The following WDR76 variants were observed in gnomAD, a reference collection of about 807,000 sequenced individuals.
WDR76 encodes the protein WD repeat domain 76.
A neutral mutation model predicts 70.2 loss-of-function variants in WDR76; 52 were observed. The observed-to-expected ratio is 0.74, with a 90% CI of 0.59 to 0.93. The LOEUF is 0.93. Among genes scored for constraint, WDR76 ranks in the 40% least tolerant of loss-of-function variants. WDR76 has a pLI of 0.00. For synonymous variants in WDR76, 292 were observed against 271.1 expected (o/e 1.08, Z -0.76); for missense variants, 756 against 760.2 (o/e 0.99, Z 0.07).
At chr15:43,863,282 C>A (rs1450550026) in intron 12 of WDR76, among the ~76,000 whole-genome samples, 2 of 152,022 alleles carry the variant, frequency 1.3e-5, no homozygotes, top group Non-Finnish European at 2.9e-5. Context: ...TTATCATGTA[C>A]AACATGTTTT....
At chr15:43,846,597 GA>G (rs1479517168) in intron 8 of WDR76, among the ~76,000 whole-genome samples, 1 of 134,120 alleles carries the variant, frequency 7.5e-6, no homozygotes, top group Non-Finnish European at 1.8e-5. Context: ...ACTACTTTTT[GA>G]AGAATTTTGC....
At chr15:43,836,343 G>GA in intron 4 of WDR76, 127 bp downstream of exon 4, 7 of 612,712 alleles carry the variant, frequency 1.1e-5, no homozygotes, top group Non-Finnish European at 1.8e-5. Flanking sequence ...AGTCCCTCTA[G>GA]GATCTCTGAG....
intron 12 of WDR76, among the ~76,000 whole-genome samples, chr15:43,862,670 G>T (rs1227160277): frequency 6.7e-6 from 1 of 148,742 alleles, no homozygotes; most frequent in Non-Finnish European, 1.5e-5. Flanking sequence ...CACCATGCCC[G>T]GCGAATTTTT....
Position 43,853,803 on chromosome 15 carries a change from C to T in WDR76, c.1191+2558C>T, listed in dbSNP as rs181996319. Among the ~76,000 whole-genome samples, 22 of 150,914 alleles carry T rather than the reference C, an allele frequency of 1.5e-4. No individual in the cohort carries two copies. In the East Asian group the frequency reaches 2.6e-3, roughly 18 times the overall value. Reference sequence around the variant, plus strand: ...CACCTGTAGTCCCAGCTACTGGGGACGCTGAGGCAGGAGAATCGCTTGAAC... The same window carrying T: ...CACCTGTAGTCCCAGCTACTGGGGATGCTGAGGCAGGAGAATCGCTTGAAC... On this transcript the variant is annotated intron_variant, in intron 9 of 12. Transcript: ENST00000263795.
chr15:43,852,667 T>G (rs2087876380), intron 9 of WDR76, among the ~76,000 whole-genome samples: 1 of 151,976 alleles, frequency 6.6e-6, no homozygotes, highest in Non-Finnish European at 1.5e-5. Context: ...CTGTGTGTGG[T>G]CAGATTTGCC....
intron 8 of WDR76, among the ~76,000 whole-genome samples, chr15:43,846,880 G>T (rs2087795439): frequency 6.6e-6 from 1 of 151,822 alleles, no homozygotes; most frequent in Non-Finnish European, 1.5e-5. Flanking sequence ...AAATTAGCCG[G>T]GCATGGTGGC....
intron 12 of WDR76, among the ~76,000 whole-genome samples, chr15:43,862,518 T>G (rs763329025): frequency 2.1e-5 from 3 of 145,276 alleles, no homozygotes; most frequent in Admixed American, 1.4e-4. Flanking sequence ...TGTTTTTTTG[T>G]TTTTTTTTGA....
chr15:43,842,844 A>T (rs1057448914), intron 7 of WDR76, among the ~76,000 whole-genome samples, 173 bp downstream of exon 7: 1 of 152,134 alleles, frequency 6.6e-6, no homozygotes, highest in Non-Finnish European at 1.5e-5. Context: ...CTAGGATATA[A>T]GCTTCATATA....
At chr15:43,854,001 C>A (rs1016840319) in intron 9 of WDR76, among the ~76,000 whole-genome samples, 4 of 151,894 alleles carry the variant, frequency 2.6e-5, no homozygotes, top group African/African-American at 9.7e-5. Flanking sequence ...AAATGCAAAT[C>A]ACAATGAGAT....
Position 43,858,808 on chromosome 15 carries a change from C to T in WDR76, c.1547C>T (p.Ala516Val), listed in dbSNP as rs1347481381. 6.2e-7 allele frequency: 1 copy of T among 1,613,788 alleles called. No homozygotes were observed. The highest frequency in any genetic ancestry group is 8.5e-7 in the Non-Finnish European group (1 of 1,179,932). The part of the protein sequence containing the change: ...LTGNRVVTTC[A>V]DCNLRIFDSS... ...GGTAACAGAGTGGTGACCACATGTG[C>T]TGATTGTAATCTGAGGTAAATTGGG... The change falls in exon 11 of 13, where the codon GCT becomes GTT. Residue 516 changes from alanine (A) to valine (V), a missense_variant. Ala to Val is a moderately conservative substitution (Grantham distance 64, BLOSUM62 0). Coordinates refer to ENST00000263795, the MANE Select transcript of WDR76 (RefSeq NM_024908.4).
In WDR76 at chr15:43,834,453, A is replaced by G. The variant is rs1040353042; in HGVS notation, c.463-608A>G. 5.4e-5 allele frequency among the ~76,000 whole-genome samples: 8 copies of G among 147,362 alleles called. No individual in the cohort carries two copies. In the South Asian group the frequency reaches 1.6e-3, roughly 29 times the overall value. The stretch of plus-strand genomic sequence containing the variant: ...GTAGCTGGGATTACAGGCTCCTGCC[A>G]CTATACCTGGCTAATTTTTTTTTTT... On this transcript the variant is annotated intron_variant, in intron 2 of 12. Transcript: ENST00000263795.
intron 2 of WDR76, among the ~76,000 whole-genome samples, chr15:43,829,583 T>A (rs768860384): frequency 9.1e-5 from 13 of 143,196 alleles, no homozygotes; most frequent in Non-Finnish European, 1.8e-4. Context: ...CTCGGCTTAC[T>A]GCAAGCTCCT....
chr15:43,861,331 A>G lies in WDR76; in HGVS notation c.1563-2A>G. 6.2e-7 allele frequency: 1 copy of G among 1,613,812 alleles called. No individual in the cohort carries two copies. The highest frequency in any genetic ancestry group is 2.2e-5 in the East Asian group (1 of 44,866). ...GAATGTCTTACTCTCTTTATTTTGC[A>G]GAATTTTTGACAGCAGCTGTATATC... On this transcript the variant is annotated splice_acceptor_variant, in intron 11 of 12. Coordinates refer to ENST00000263795, the MANE Select transcript of WDR76 (RefSeq NM_024908.4). LOFTEE classifies it high-confidence loss of function.
At chr15:43,832,303 G>A (rs2087598887) in intron 2 of WDR76, among the ~76,000 whole-genome samples, 1 of 152,008 alleles carries the variant, frequency 6.6e-6, no homozygotes, top group Admixed American at 6.6e-5. Context: ...GCTAAGGCTG[G>A]AGCCCAGGAG....
intron 5 of WDR76, among the ~76,000 whole-genome samples, chr15:43,840,078 T>G (rs2087706050): frequency 6.6e-6 from 1 of 152,074 alleles, no homozygotes; most frequent in Non-Finnish European, 1.5e-5. Context: ...AGGCTGGTCT[T>G]GAACTCCTGA....
chr15:43,828,777 G>C (rs191211395), intron 2 of WDR76, among the ~76,000 whole-genome samples: 89 of 152,248 alleles, frequency 5.8e-4, no homozygotes, highest in Non-Finnish European at 1.2e-3. Context: ...TTGATTCTAT[G>C]GTTGTGTTGA....
chr15:43,862,982 C>A (rs2088021780), intron 12 of WDR76, among the ~76,000 whole-genome samples: 1 of 152,146 alleles, frequency 6.6e-6, no homozygotes, highest in African/African-American at 2.4e-5. Flanking sequence ...GTTGTCCAGG[C>A]TGGAGTGCAC....
intron 8 of WDR76, among the ~76,000 whole-genome samples, chr15:43,845,207 C>T (rs2087773921): frequency 6.7e-6 from 1 of 149,488 alleles, no homozygotes; most frequent in Admixed American, 6.7e-5. Context: ...CCTTGGCCTC[C>T]CAAAGTGCTG....
At chr15:43,833,053 G>A (rs2087610988) in intron 2 of WDR76, among the ~76,000 whole-genome samples, 2 of 151,708 alleles carry the variant, frequency 1.3e-5, no homozygotes, top group Admixed American at 1.3e-4. Context: ...GAGCTTGCTT[G>A]CCTGGGTCCT....
Sources: gnomAD v4.1 joint callset for allele counts (sites outside exome capture counted in the v4.1 genomes callset) on GRCh38, gnomAD v4.1.1 for gene constraint, MANE v1.5 for transcripts, NCBI Gene and HGNC (gene_info 2026-07-23, HGNC 2026-07-21) for gene names.